Variants in EPHA5 observed in about 807,000 individuals in gnomAD.
EPHA5 encodes the protein ephrin type-A receptor 5.
Under a neutral mutation model 105.0 loss-of-function variants are expected in EPHA5, and 60 were observed. The ratio of observed to expected loss-of-function variants is 0.57; its 90% CI spans 0.46 to 0.71. The LOEUF (loss-of-function observed/expected upper bound fraction) is 0.71. Ranked by LOEUF, EPHA5 falls within the 30% of genes least tolerant of loss-of-function variation. EPHA5 has a pLI of 0.00. For synonymous variants in EPHA5, 513 were observed against 449.1 expected, an observed-to-expected ratio of 1.14 and a Z score of -1.80; for missense variants, 1,218 against 1,274.7, an observed-to-expected ratio of 0.96 and a Z score of 0.68.
chr4:65,576,113 G>GAAAAAAAGAAAAGAAAAGAAAAGA (rs71205388), intron 3 of EPHA5, among the ~76,000 whole-genome samples: 6 of 36,660 alleles, frequency 1.6e-4, no homozygotes, highest in Admixed American at 1.1e-3. Context: ...GAAAAGAAAA[G>GAAAAAAAGAAAAGAAAAGAAAAGA]AAAAAAGAAA....
intron 8 of EPHA5, among the ~76,000 whole-genome samples, chr4:65,371,903 C>T (rs1718513252): frequency 6.6e-6 from 1 of 151,938 alleles, no homozygotes; most frequent in African/African-American, 2.4e-5. Context: ...TATGCAGTGT[C>T]TAGCTCAGAA....
chr4:65,667,611 C>T lies in EPHA5; in HGVS notation c.181+1951G>A, dbSNP rs147036067. Among the ~76,000 whole-genome samples, 799 of 152,240 alleles carry T rather than the reference C, an allele frequency of 5.2e-3. 3 individuals carry two copies. The highest frequency in any genetic ancestry group is 9.0e-3 in the Admixed American group (138 of 15,292). On this transcript the variant is annotated intron_variant, in intron 1 of 16. Transcript: ENST00000613740. Reference sequence around the variant, plus strand: ...TGTGTTCCACAAGATTCCAGCTCTGCCTTCAACACCTTAGGAGACCGGCGC... The same window carrying T: ...TGTGTTCCACAAGATTCCAGCTCTGTCTTCAACACCTTAGGAGACCGGCGC...
chr4:65,388,930 G>C (rs189674627), intron 8 of EPHA5, among the ~76,000 whole-genome samples: 2 of 152,000 alleles, frequency 1.3e-5, no homozygotes, highest in Admixed American at 1.3e-4. Flanking sequence ...TTTTATTCTA[G>C]GGTTTTTATG....
At position 65,339,511 on chromosome 4, in the gene EPHA5, T is replaced by C. The variant is rs765605322; in HGVS notation, c.2596-3386A>G. Among the ~76,000 whole-genome samples the C allele has an allele frequency of 1.0e-3, 157 of 152,160 alleles. 1 individual carries two copies. Among genetic ancestry groups the C allele is most frequent in the Non-Finnish European group, 1.9e-3 (129 of 68,022 alleles). ...CAATTTAACTATAACTTTGTTGATA[T>C]AAATAAACAAGAGTTAAGCTCTTAG... On this transcript the variant is annotated intron_variant, in intron 14 of 16. Transcript: ENST00000613740.
chr4:65,423,296 A>T (rs75487344), intron 5 of EPHA5, among the ~76,000 whole-genome samples: 2,412 of 152,038 alleles, frequency 0.016, 23 homozygotes, highest in South Asian at 0.036. Flanking sequence ...GTCACCTTTG[A>T]TTTCCTGAGT....
intron 3 of EPHA5, among the ~76,000 whole-genome samples, chr4:65,499,964 T>G (rs1396375273): frequency 6.6e-6 from 1 of 151,290 alleles, no homozygotes; most frequent in Non-Finnish European, 1.5e-5. Context: ...CAAAACATGT[T>G]TGAGTTGTGT....
chr4:65,658,976 A>G (rs1749305710), intron 1 of EPHA5, among the ~76,000 whole-genome samples: 1 of 152,082 alleles, frequency 6.6e-6, no homozygotes, highest in Non-Finnish European at 1.5e-5. Flanking sequence ...AATATTGATT[A>G]TAAAATATTT....
At chr4:65,512,811 G>T (rs1371977139) in intron 3 of EPHA5, among the ~76,000 whole-genome samples, 1 of 151,946 alleles carries the variant, frequency 6.6e-6, no homozygotes, top group Non-Finnish European at 1.5e-5. Context: ...CCGATCTCAT[G>T]GCGAACCATT....
At chr4:65,517,726 G>A (rs1734243516) in intron 3 of EPHA5, among the ~76,000 whole-genome samples, 1 of 151,654 alleles carries the variant, frequency 6.6e-6, no homozygotes, top group East Asian at 1.9e-4. Flanking sequence ...TTCTTCAGGT[G>A]GAAAACGTTT....
Position 65,335,336 on chromosome 4 carries a change from A to C in EPHA5, c.2789+596T>G, listed in dbSNP as rs115097413. Among the ~76,000 whole-genome samples the C allele has an allele frequency of 7.2e-3, 1,090 of 152,166 alleles. 10 individuals carry two copies. The highest frequency in any genetic ancestry group is 0.025 in the African/African-American group (1,034 of 41,554). On this transcript the variant is annotated intron_variant, in intron 15 of 16. Coordinates refer to ENST00000613740, the MANE Select transcript of EPHA5 (RefSeq NM_001281766.3). Reference sequence around the variant, plus strand: ...TTAAATGCATTCATGTGCTATTCAGAAAAGTAAAAAATATGCTCATTTACT... The same window carrying C: ...TTAAATGCATTCATGTGCTATTCAGCAAAGTAAAAAATATGCTCATTTACT...
Position 65,507,758 on chromosome 4 carries a change from A to T in EPHA5, c.911-12215T>A, listed in dbSNP as rs376049025. Among the ~76,000 whole-genome samples, 53 of 152,030 alleles carry T rather than the reference A, an allele frequency of 3.5e-4. No homozygotes were observed. In the East Asian group the frequency reaches 8.7e-3, roughly 25 times the overall value. ...TGAAGTTGCTTATCAGCTTAAGGAG[A>T]TTTTGGCTGAGATGATGGGGTTTTA... On this transcript the variant is annotated intron_variant, in intron 3 of 16. Transcript: ENST00000613740.
At chr4:65,370,679 C>T (rs1718370837) in intron 8 of EPHA5, among the ~76,000 whole-genome samples, 1 of 152,004 alleles carries the variant, frequency 6.6e-6, no homozygotes, top group African/African-American at 2.4e-5. Context: ...CTTTGGATCT[C>T]ATAAGAAAAT....
intron 3 of EPHA5, among the ~76,000 whole-genome samples, chr4:65,557,828 T>A (rs1738607856): frequency 1.3e-5 from 2 of 152,074 alleles, no homozygotes; most frequent in East Asian, 3.9e-4. Flanking sequence ...ATAGCAATGT[T>A]CCCAACATTA....
chr4:65,473,740 A>G (rs1216316859), intron 5 of EPHA5, among the ~76,000 whole-genome samples: 1 of 152,232 alleles, frequency 6.6e-6, no homozygotes, highest in East Asian at 1.9e-4. Context: ...TATATTATGT[A>G]ATGCTGAGGT....
At chr4:65,488,697 G>A (rs567256150) in intron 5 of EPHA5, among the ~76,000 whole-genome samples, 88 of 152,202 alleles carry the variant, frequency 5.8e-4, no homozygotes, top group Middle Eastern at 3.4e-3. Context: ...GCTTATATGT[G>A]TGCATTATAT....
In EPHA5 at chr4:65,669,699, G is replaced by T. The variant is rs761462274; in HGVS notation, c.44C>A (p.Pro15Gln). The change falls in exon 1 of 17, where the codon CCA (proline) becomes CAA (glutamine). Residue 15 changes from proline (P) to glutamine (Q), a missense_variant. Coordinates refer to ENST00000613740, the MANE Select transcript of EPHA5 (RefSeq NM_001281766.3). Reference sequence around the variant, plus strand: ...GATGGGGGTGTCGCCGCCGCCGCTTGGGGGCCGCCGGCGTCCCGCACCCCG... The same window carrying T: ...GATGGGGGTGTCGCCGCCGCCGCTTTGGGGCCGCCGGCGTCCCGCACCCCG... ...GPRGAGRRRP[P>Q]SGGGDTPITP... The T allele has an allele frequency of 7.7e-7, 1 of 1,297,690 alleles. No homozygotes were observed. The highest frequency in any genetic ancestry group is 9.8e-7 in the Non-Finnish European group (1 of 1,020,398). The allele number at this position is 1,297,690 out of a possible 1,614,324, so 80.4% of individuals were successfully genotyped here. A position where few individuals can be genotyped will look rare whatever the true frequency, so the allele number is the denominator to read the frequency against.
At chr4:65,406,051 C>T (rs1722326677) in intron 7 of EPHA5, among the ~76,000 whole-genome samples, 1 of 152,056 alleles carries the variant, frequency 6.6e-6, no homozygotes, top group African/African-American at 2.4e-5. Flanking sequence ...CGTAATGAGA[C>T]GTCTTCATTT....
chr4:65,354,137 T>G (rs1261726215), intron 11 of EPHA5, among the ~76,000 whole-genome samples: 2 of 151,766 alleles, frequency 1.3e-5, no homozygotes, highest in Non-Finnish European at 2.9e-5. Flanking sequence ...TTGTTGCGAG[T>G]ATCTGCTAAG....
intron 3 of EPHA5, among the ~76,000 whole-genome samples, chr4:65,512,688 AC>A (rs752361995): frequency 1.6e-4 from 25 of 152,212 alleles, no homozygotes; most frequent in Non-Finnish European, 3.2e-4. Context: ...AACTTGCAGA[AC>A]CATGAGTCAA....
Sources: allele counts gnomAD v4.1 joint callset (sites outside exome capture counted in the v4.1 genomes callset), GRCh38; gene constraint gnomAD v4.1.1; transcripts MANE v1.5; gene names NCBI Gene and HGNC (gene_info 2026-07-23, HGNC 2026-07-21).